The following ZNF337 variants were observed in gnomAD, a reference collection of about 807,000 sequenced individuals.
ZNF337 encodes zinc finger protein 337.
In ZNF337, 8 loss-of-function variants were observed where a neutral mutation model predicts 12.1. The ratio of observed to expected loss-of-function variants is 0.66; its 90% confidence interval spans 0.39 to 1.19. The LOEUF is 1.19. Among genes scored for constraint, ZNF337 ranks in the 50% most tolerant of loss-of-function variants. ZNF337 has a pLI of 0.01. For missense variants in ZNF337, 882 were observed against 896.6 expected, an observed-to-expected ratio of 0.98 and a Z score of 0.21; for synonymous variants, 336 against 320.0, an observed-to-expected ratio of 1.05 and a Z score of -0.53.
chr20:25,692,371 C>A (rs2065888756), intron 1 of ZNF337, among the ~76,000 whole-genome samples: 1 of 152,100 alleles, frequency 6.6e-6, no homozygotes, highest in South Asian at 2.1e-4. Context: ...AAATAGTCCT[C>A]AGAGAAGTAG....
Position 25,675,334 on chromosome 20 carries a change from C to A in ZNF337, c.1954G>T (p.Gly652Trp), listed in dbSNP as rs747708143. The A allele has an allele frequency of 1.2e-6, 2 of 1,614,056 alleles. No homozygotes were observed. Among genetic ancestry groups the A allele is most frequent in the African/African-American group, 2.7e-5 (2 of 74,944 alleles). ...ACATTACACACGAAGGGCTTCTCCC[C>A]TGAGTGTGTCCTCTGGTGTGTGAGG... The part of the protein sequence containing the change: ...NLLTHQRTHS[G>W]EKPFVCNVCG... Residue 652 changes from glycine to tryptophan, a missense_variant, in exon 5 of 5, where the codon GGG becomes TGG. By Grantham distance (184) the Gly-to-Trp change is radical (BLOSUM62 -2). Transcript: ENST00000252979.
chr20:25,691,883 G>A (rs574713301), intron 1 of ZNF337, among the ~76,000 whole-genome samples: 1 of 152,256 alleles, frequency 6.6e-6, no homozygotes, highest in East Asian at 1.9e-4. Context: ...GCTCCTCACT[G>A]CCATTCCAGA....
chr20:25,696,523 C>T (rs2065931540), intron 1 of ZNF337, among the ~76,000 whole-genome samples: 1 of 152,230 alleles, frequency 6.6e-6, no homozygotes. Flanking sequence ...CTACACGCAA[C>T]CGGGAACGGA....
rs1488333575 is a variant in ZNF337 at position 25,674,897 on chromosome 20, G to T, written c.*135C>A. On this transcript the variant is annotated 3_prime_UTR_variant, in exon 5 of 5. Coordinates refer to ENST00000252979, the MANE Select transcript of ZNF337 (RefSeq NM_015655.4). ...TTGGGGACACATGGGTTGAATTCAGGTTCTCTGTAGCCCTCTGGATTCTGT... is the reference window on the plus strand; with the variant it reads ...TTGGGGACACATGGGTTGAATTCAGTTTCTCTGTAGCCCTCTGGATTCTGT... The T allele has an allele frequency of 1.3e-6, 1 of 769,540 alleles. No individual in the cohort carries two copies. The highest frequency in any genetic ancestry group is 2.1e-6 in the Non-Finnish European group (1 of 486,506). 47.7% of individuals were successfully genotyped at this position (769,540 alleles called of 1,614,324 possible). A position where few individuals can be genotyped will look rare whatever the true frequency, so the allele number is the denominator to read the frequency against.
At chr20:25,685,911 A>G in intron 3 of ZNF337, 85 bp downstream of exon 3, 1 of 1,531,402 alleles carries the variant, frequency 6.5e-7, no homozygotes, top group Non-Finnish European at 8.8e-7. Context: ...TAGAGAAAAC[A>G]ACATTCTTGT....
intron 4 of ZNF337, chr20:25,677,346 A>C: frequency 7.5e-6 from 2 of 265,126 alleles, no homozygotes; most frequent in Non-Finnish European, 1.4e-5. Context: ...AGCAAAACCA[A>C]TGCAACAACA....
rs200763441 is a variant in ZNF337, at chr20:25,676,644, T to C, written c.644A>G (p.Gln215Arg). 1.9e-6 allele frequency: 3 copies of C among 1,614,224 alleles called. No homozygotes were observed. The highest frequency in any genetic ancestry group is 2.5e-6 in the Non-Finnish European group (3 of 1,180,048). The change falls in exon 5 of 5, where the codon CAG becomes CGG. Residue 215 changes from glutamine (Q) to arginine (R), a missense_variant. By Grantham distance (43) the Gln-to-Arg change is conservative. Coordinates refer to ENST00000252979, the MANE Select transcript of ZNF337 (RefSeq NM_015655.4). ...CAATGCTGACTCATCTCTAAAGCCCTGGTGACACTCCCTGCATGTAAAAAG... is the reference window on the plus strand; with the variant it reads ...CAATGCTGACTCATCTCTAAAGCCCCGGTGACACTCCCTGCATGTAAAAAG... The part of the protein sequence containing the change: ...QKLFTCRECH[Q>R]GFRDESALLL...
rs2065834867 is a variant in ZNF337 at position 25,686,473 on chromosome 20, G to A, written c.-49-7C>T. The stretch of plus-strand genomic sequence containing the variant: ...AAGCTTGCAGATGGCCAATCTGTGG[G>A]AGGAGAGAAGTCAGAGGGTGGCTGG... On this transcript the variant is annotated splice_region_variant and splice_polypyrimidine_tract_variant and intron_variant, in intron 1 of 4. Coordinates refer to ENST00000252979, the MANE Select transcript of ZNF337 (RefSeq NM_015655.4). 1.9e-6 allele frequency: 3 copies of A among 1,608,328 alleles called. No homozygotes were observed. Among genetic ancestry groups the A allele is most frequent in the East Asian group, 4.5e-5 (2 of 44,856 alleles).
intron 1 of ZNF337, among the ~76,000 whole-genome samples, chr20:25,695,025 C>T (rs1362673964): frequency 6.6e-6 from 1 of 152,178 alleles, no homozygotes; most frequent in African/African-American, 2.4e-5. Context: ...AATCCCAGCA[C>T]TTTGGGAGGT....
intron 1 of ZNF337, among the ~76,000 whole-genome samples, chr20:25,691,843 T>C (rs1328770067): frequency 6.6e-6 from 1 of 152,242 alleles, no homozygotes. Context: ...TTACCAGTTA[T>C]GGTGTTTTAC....
intron 4 of ZNF337, among the ~76,000 whole-genome samples, chr20:25,679,483 C>G (rs1308063090): frequency 6.6e-6 from 1 of 151,862 alleles, no homozygotes; most frequent in African/African-American, 2.4e-5. Flanking sequence ...AACAAAAAAT[C>G]CAACTAAAAA....
Position 25,675,493 on chromosome 20 carries a change from G to T in ZNF337, c.1795C>A (p.Pro599Thr), listed in dbSNP as rs746493000. 6.2e-7 allele frequency: 1 copy of T among 1,614,232 alleles called. No homozygotes were observed. The highest frequency in any genetic ancestry group is 1.3e-5 in the African/African-American group (1 of 75,068). The change falls in exon 5 of 5, where the codon CCT becomes ACT. Residue 599 changes from proline (P) to threonine (T), a missense_variant. Pro to Thr is a conservative substitution (Grantham distance 38). Transcript: ENST00000252979. ...TGCCCACATTCACTACAGATGAAAG[G>T]CTTCTCCCCTGAGTGTGTCTTCTGG... Reference protein sequence around the residue: ...FHQKTHSGEKPFICSECGQGF... With the variant: ...FHQKTHSGEKTFICSECGQGF...
rs561786956 is a variant in ZNF337, at chr20:25,677,046, T to C, written c.251-9A>G. On this transcript the variant is annotated splice_polypyrimidine_tract_variant and intron_variant, in intron 4 of 4. Coordinates refer to ENST00000252979, the MANE Select transcript of ZNF337 (RefSeq NM_015655.4). ...ATGTTCTGCATATATTCCTGGAGAA[T>C]AGACCAACAATGAGACTGAATCAGT... The C allele has an allele frequency of 2.0e-5, 32 of 1,577,974 alleles. No individual in the cohort carries two copies. The highest frequency in any genetic ancestry group is 1.2e-4 in the South Asian group (10 of 85,868).
In ZNF337 at chr20:25,683,229, AATCATCATCATC is replaced by A. The variant is rs3063022; in HGVS notation, c.250+2326_250+2337del. ...AGAACAAGTCCACCCTAGAGGTAAG[AATCATCATCATC>A]ATCATCATCATCATCATCATCATCA... On this transcript the variant is annotated intron_variant, in intron 4 of 4. Coordinates refer to ENST00000252979, the MANE Select transcript of ZNF337 (RefSeq NM_015655.4). 1.5e-3 allele frequency among the ~76,000 whole-genome samples: 225 copies of A among 148,506 alleles called. 1 individual carries two copies. The highest frequency in any genetic ancestry group is 0.011 in the East Asian group (56 of 4,962).
chr20:25,690,328 A>G (rs945044829), intron 1 of ZNF337, among the ~76,000 whole-genome samples: 1 of 152,190 alleles, frequency 6.6e-6, no homozygotes, highest in Non-Finnish European at 1.5e-5. Context: ...TTGCAGCCCA[A>G]TACACCTTAT....
At position 25,676,106 on chromosome 20, in the gene ZNF337, G is replaced by T. The variant is rs748337729; in HGVS notation, c.1182C>A (p.His394Gln). ...SFSVKGSLLR[H>Q]QRTHSGEKPF... ...GCTTCTCCCCTGAGTGTGTTCTCTG[G>T]TGTCTGAGGAGACTTCCTTTCACGC... Residue 394 changes from histidine to glutamine, a missense_variant, in exon 5 of 5, where the codon CAC becomes CAA. Coordinates refer to ENST00000252979, the MANE Select transcript of ZNF337 (RefSeq NM_015655.4). The T allele has an allele frequency of 6.2e-7, 1 of 1,613,640 alleles. No homozygotes were observed. The highest frequency in any genetic ancestry group is 2.2e-5 in the East Asian group (1 of 44,828).
intron 4 of ZNF337, among the ~76,000 whole-genome samples, chr20:25,682,620 G>A (rs979316031): frequency 6.6e-6 from 1 of 152,060 alleles, no homozygotes; most frequent in African/African-American, 2.4e-5. Context: ...ATCACCTGAG[G>A]TCAGGAGTTC....
chr20:25,694,566 G>A (rs942987646), intron 1 of ZNF337, among the ~76,000 whole-genome samples: 18 of 152,106 alleles, frequency 1.2e-4, no homozygotes, highest in African/African-American at 4.3e-4. Flanking sequence ...TAAAAAAACT[G>A]CTGGGCCCAA....
At position 25,674,081 on chromosome 20, in the gene ZNF337, A is replaced by C. The variant is rs2065645800; in HGVS notation, c.*951T>G. The stretch of plus-strand genomic sequence containing the variant: ...TCTTGGTATCAGCTGTGTTGGAGGG[A>C]GTTCTCTGCAAAGACCAATATGGGA... On this transcript the variant is annotated 3_prime_UTR_variant, in exon 5 of 5. Coordinates refer to ENST00000252979, the MANE Select transcript of ZNF337 (RefSeq NM_015655.4). 6.6e-6 allele frequency: 1 copy of C among 152,208 alleles called. No homozygotes were observed. The highest frequency in any genetic ancestry group is 2.1e-4 in the South Asian group (1 of 4,824). 9.4% of individuals were successfully genotyped at this position (152,208 alleles called of 1,614,324 possible).
Sources: gnomAD v4.1 joint callset for allele counts (sites outside exome capture counted in the v4.1 genomes callset) on GRCh38, gnomAD v4.1.1 for gene constraint, MANE v1.5 for transcripts, NCBI Gene and HGNC (gene_info 2026-07-23, HGNC 2026-07-21) for gene names.